The following MPDZ variants were observed in gnomAD, a reference collection of about 807,000 sequenced individuals.
The protein encoded by MPDZ is multiple PDZ domain crumbs cell polarity complex component.
A neutral mutation model predicts 239.1 loss-of-function variants in MPDZ; 234 were observed. The ratio of observed to expected loss-of-function variants is 0.98; its 90% confidence interval spans 0.88 to 1.09. MPDZ has a LOEUF of 1.09. MPDZ is among the 50% of genes least tolerant of loss of function. The pLI, the probability that MPDZ is intolerant of heterozygous loss-of-function variation, is 0.00. For synonymous variants in MPDZ, 1,048 were observed against 881.3 expected, an observed-to-expected ratio of 1.19 and a Z score of -3.35; for missense variants, 3,175 against 2,510.0, an observed-to-expected ratio of 1.26 and a Z score of -5.66.
intron 25 of MPDZ, among the ~76,000 whole-genome samples, chr9:13,148,235 T>C (rs1452184424): frequency 6.6e-6 from 1 of 152,116 alleles, no homozygotes; most frequent in Non-Finnish European, 1.5e-5. Flanking sequence ...TTGTTAGTAA[T>C]TCTTATATAG....
chr9:13,206,971 G>A (rs1371062999), intron 10 of MPDZ, among the ~76,000 whole-genome samples: 2 of 152,018 alleles, frequency 1.3e-5, no homozygotes, highest in African/African-American at 2.4e-5. Flanking sequence ...AGGCCACTGT[G>A]CCCTACTTCT....
At chr9:13,255,084 C>A (rs567966622) in intron 1 of MPDZ, among the ~76,000 whole-genome samples, 1 of 152,184 alleles carries the variant, frequency 6.6e-6, no homozygotes, top group Non-Finnish European at 1.5e-5. Flanking sequence ...ATAGCCTCAA[C>A]CCTTTGTTTT....
At chr9:13,195,263 G>C (rs1955501633) in intron 13 of MPDZ, among the ~76,000 whole-genome samples, 2 of 152,116 alleles carry the variant, frequency 1.3e-5, no homozygotes, top group Non-Finnish European at 2.9e-5. Flanking sequence ...ACTCCAGCCT[G>C]GGTGACAGAG....
At chr9:13,215,130 C>G (rs772024132) in intron 10 of MPDZ, among the ~76,000 whole-genome samples, 2 of 151,954 alleles carry the variant, frequency 1.3e-5, no homozygotes, top group Non-Finnish European at 2.9e-5. Flanking sequence ...CTCATTTCCC[C>G]TCTCCCCAGT....
rs1193054577 is a variant in MPDZ at position 13,131,000 on chromosome 9, T to C, written c.4464+2824A>G. The stretch of plus-strand genomic sequence containing the variant: ...GAACAGTTCAAAGTGGAGAAAATAA[T>C]AGCAAGCTCACAGGGTTGCTAAGAA... On this transcript the variant is annotated intron_variant, in intron 32 of 46. Coordinates refer to ENST00000319217, the MANE Select transcript of MPDZ (RefSeq NM_001378778.1). Among the ~76,000 whole-genome samples the C allele has an allele frequency of 3.9e-5, 6 of 152,268 alleles. No homozygotes were observed. The South Asian group carries it at 1.2e-3, about 32-fold the overall frequency.
intron 10 of MPDZ, among the ~76,000 whole-genome samples, chr9:13,216,266 A>G (rs929475382): frequency 1.1e-4 from 16 of 151,610 alleles, no homozygotes; most frequent in African/African-American, 3.6e-4. Flanking sequence ...AACGATAACA[A>G]TGATAGCTTG....
chr9:13,193,253 C>G lies in MPDZ; in HGVS notation c.1717G>C (p.Val573Leu). 1 of 1,612,666 alleles carries G rather than the reference C, an allele frequency of 6.2e-7. No homozygotes were observed. Among genetic ancestry groups the G allele is most frequent in the Non-Finnish European group, 8.5e-7 (1 of 1,179,062 alleles). The change falls in exon 14 of 47, where the codon GTG becomes CTG. Residue 573 changes from valine to leucine, a missense_variant. Coordinates refer to ENST00000319217, the MANE Select transcript of MPDZ (RefSeq NM_001378778.1). ...ACAGATCGGATAAAATGATGTCCCA[C>G]TGTCGCTTCCAGGCTTATCCCCAAT... ...SGLGISLEAT[V>L]GHHFIRSVLP...
chr9:13,162,107 A>G (rs904554025), intron 23 of MPDZ, among the ~76,000 whole-genome samples: 2 of 152,110 alleles, frequency 1.3e-5, no homozygotes, highest in Non-Finnish European at 2.9e-5. Flanking sequence ...TCTACAAAAA[A>G]TACAGAATTA....
intron 12 of MPDZ, among the ~76,000 whole-genome samples, chr9:13,199,667 T>G (rs985217203): frequency 1.3e-5 from 2 of 152,124 alleles, no homozygotes; most frequent in Non-Finnish European, 2.9e-5. Context: ...TTCTGAGGCA[T>G]GTTCTTTCTA....
chr9:13,272,787 C>T (rs185027247), intron 1 of MPDZ, among the ~76,000 whole-genome samples: 49 of 151,398 alleles, frequency 3.2e-4, no homozygotes, highest in African/African-American at 1.1e-3. Flanking sequence ...AAATGCAATA[C>T]CCTGGGACAC....
intron 1 of MPDZ, among the ~76,000 whole-genome samples, chr9:13,270,326 A>G (rs1487636639): frequency 6.6e-6 from 1 of 152,214 alleles, no homozygotes; most frequent in East Asian, 1.9e-4. Flanking sequence ...TGACCCAAAA[A>G]AGGCTGAGTG....
rs139270835 is a variant in MPDZ at position 13,161,142 on chromosome 9, C to A, written c.3359+1549G>T. On this transcript the variant is annotated intron_variant, in intron 23 of 46. Coordinates refer to ENST00000319217, the MANE Select transcript of MPDZ (RefSeq NM_001378778.1). ...TCCCTTTATTAAACAAATAACATACCTTCCCCTTCCCTGACACTTTCTGTA... is the reference window on the plus strand; with the variant it reads ...TCCCTTTATTAAACAAATAACATACATTCCCCTTCCCTGACACTTTCTGTA... Among the ~76,000 whole-genome samples, 225 of 151,794 alleles carry A rather than the reference C, an allele frequency of 1.5e-3. 2 individuals are homozygous for A. The highest frequency in any genetic ancestry group is 5.3e-3 in the African/African-American group (221 of 41,406).
intron 3 of MPDZ, among the ~76,000 whole-genome samples, chr9:13,225,076 C>A (rs926086786): frequency 6.6e-6 from 1 of 151,894 alleles, no homozygotes; most frequent in African/African-American, 2.4e-5. Flanking sequence ...TGAAATAACA[C>A]GCCAATAAAA....
chr9:13,274,190 T>A (rs1400998226), intron 1 of MPDZ, among the ~76,000 whole-genome samples: 4 of 152,134 alleles, frequency 2.6e-5, no homozygotes, highest in Non-Finnish European at 5.9e-5. Flanking sequence ...AAATAAATAA[T>A]TACCTTATGT....
At chr9:13,182,923 T>TATTCAAA (rs1953556329) in intron 19 of MPDZ, among the ~76,000 whole-genome samples, 1 of 152,194 alleles carries the variant, frequency 6.6e-6, no homozygotes, top group Non-Finnish European at 1.5e-5. Flanking sequence ...CCATTCACTG[T>TATTCAAA]GATTTTTTAT....
At chr9:13,266,259 T>C (rs951526649) in intron 1 of MPDZ, among the ~76,000 whole-genome samples, 1 of 152,210 alleles carries the variant, frequency 6.6e-6, no homozygotes. Context: ...CAGGCTCAAA[T>C]TTCTCATCGG....
chr9:13,266,104 A>G (rs1272806881), intron 1 of MPDZ, among the ~76,000 whole-genome samples: 1 of 152,198 alleles, frequency 6.6e-6, no homozygotes, highest in Non-Finnish European at 1.5e-5. Context: ...CTTAGGTATC[A>G]CTGAGCTATA....
chr9:13,219,798 T>C, intron 7 of MPDZ, 30 bp from the exon 8 acceptor site: 1 of 1,578,140 alleles, frequency 6.3e-7, no homozygotes, highest in South Asian at 1.1e-5. Context: ...ATAATTAGAC[T>C]ATTATTATTT....
rs1197322483 is a variant in MPDZ at position 13,262,409 on chromosome 9, C to T, written c.-57-12037G>A. Among the ~76,000 whole-genome samples, 3 of 151,950 alleles carry T rather than the reference C, an allele frequency of 2.0e-5. No homozygotes were observed. The East Asian group carries it at 5.8e-4, about 30-fold the overall frequency. Reference sequence around the variant, plus strand: ...AGGCTGCAGTGACATGTAATCGCACCACTGCACTTCAGTCTGGGCCGACAG... The same window carrying T: ...AGGCTGCAGTGACATGTAATCGCACTACTGCACTTCAGTCTGGGCCGACAG... On this transcript the variant is annotated intron_variant, in intron 1 of 46. Transcript: ENST00000319217.
Sources: allele counts gnomAD v4.1 joint callset (sites outside exome capture counted in the v4.1 genomes callset), GRCh38; gene constraint gnomAD v4.1.1; transcripts MANE v1.5; gene names NCBI Gene and HGNC (gene_info 2026-07-23, HGNC 2026-07-21).